The following WDR41 variants were observed in gnomAD, a reference collection of about 807,000 sequenced individuals.
The protein encoded by WDR41 is WD repeat-containing protein 41.
Under a neutral mutation model 69.3 loss-of-function variants are expected in WDR41, and 63 were observed. The observed-to-expected ratio is 0.91, with a 90% CI of 0.74 to 1.12. The LOEUF is 1.12. Ranked by LOEUF, WDR41 falls within the 50% of genes most tolerant of loss-of-function variation. The pLI is 0.00. For missense variants in WDR41, 543 were observed against 534.5 expected (o/e 1.02, Z -0.16); for synonymous variants, 185 against 192.1 (o/e 0.96, Z 0.31).
At chr5:77,437,280 T>A in intron 11 of WDR41, 56 bp downstream of exon 11, 1 of 1,445,238 alleles carries the variant, frequency 6.9e-7, no homozygotes, top group Admixed American at 1.7e-5. Context: ...TTCTCCTGCC[T>A]TTCACGTGAG....
chr5:77,557,985 G>C (rs1380281943), intron 1 of WDR41, among the ~76,000 whole-genome samples: 2 of 151,268 alleles, frequency 1.3e-5, no homozygotes, highest in Non-Finnish European at 2.9e-5. Context: ...AAAAAATGTG[G>C]CAATGCAGTG....
Position 77,565,232 on chromosome 5 carries a change from T to C in WDR41, c.42+55247A>G, listed in dbSNP as rs111580869. Reference sequence around the variant, plus strand: ...GGAACCATGATTTCAATTGATTTCATGTCTACAGTCTTTCCACTTTCAACA... The same window carrying C: ...GGAACCATGATTTCAATTGATTTCACGTCTACAGTCTTTCCACTTTCAACA... On this transcript the variant is annotated intron_variant, in intron 1 of 5. Transcript: ENST00000509971. Among the ~76,000 whole-genome samples the C allele has an allele frequency of 7.1e-3, 1,074 of 152,310 alleles. 20 individuals carry two copies. The highest frequency in any genetic ancestry group is 0.022 in the African/African-American group (931 of 41,568).
chr5:77,444,937 C>T (rs894872335), intron 8 of WDR41, among the ~76,000 whole-genome samples: 4 of 151,960 alleles, frequency 2.6e-5, no homozygotes, highest in Non-Finnish European at 5.9e-5. Flanking sequence ...TAACTAAGAT[C>T]AGAGAAGAAT....
chr5:77,613,264 T>C (rs1415361178), intron 1 of WDR41, among the ~76,000 whole-genome samples: 1 of 152,102 alleles, frequency 6.6e-6, no homozygotes, highest in East Asian at 1.9e-4. Context: ...AAGCTACCAA[T>C]GACTTTCTTC....
intron 1 of WDR41, chr5:77,491,969 T>G: frequency 1.7e-6 from 1 of 605,092 alleles, no homozygotes; most frequent in East Asian, 3.2e-5. Flanking sequence ...AGGGTGCGCC[T>G]GGGGTCCCGC....
intron 1 of WDR41, among the ~76,000 whole-genome samples, chr5:77,579,571 A>G (rs1743900142): frequency 6.6e-6 from 1 of 152,218 alleles, no homozygotes. Context: ...TCCTATATAC[A>G]GCAAAAGCTA....
At chr5:77,461,589 G>A (rs746166502) in intron 4 of WDR41, among the ~76,000 whole-genome samples, 1 of 152,188 alleles carries the variant, frequency 6.6e-6, no homozygotes, top group Admixed American at 6.5e-5. Flanking sequence ...AGTAATCCCA[G>A]CACTTTGGGA....
intron 1 of WDR41, among the ~76,000 whole-genome samples, chr5:77,581,316 G>C (rs190032586): frequency 6.6e-6 from 1 of 152,224 alleles, no homozygotes; most frequent in Non-Finnish European, 1.5e-5. Flanking sequence ...TATAATTATA[G>C]GCATATATGC....
chr5:77,536,423 AT>A (rs1160279324), intron 1 of WDR41, among the ~76,000 whole-genome samples: 1 of 152,110 alleles, frequency 6.6e-6, no homozygotes, highest in South Asian at 2.1e-4. Flanking sequence ...AGTAATGAAA[AT>A]TATCTGGGGA....
chr5:77,568,358 C>T (rs1014268079), intron 1 of WDR41, among the ~76,000 whole-genome samples: 8 of 152,090 alleles, frequency 5.3e-5, no homozygotes, highest in South Asian at 2.1e-4. Flanking sequence ...TTTCACTGTG[C>T]GGCTGTAAAG....
At chr5:77,557,168 G>A (rs35873659) in intron 1 of WDR41, among the ~76,000 whole-genome samples, 23,811 of 152,098 alleles carry the variant, frequency 0.16, 2,944 homozygotes, top group African/African-American at 0.33. Flanking sequence ...TCAAGGTAGT[G>A]AAAGATTTAC....
At chr5:77,435,057 C>T (rs1798886604) in intron 12 of WDR41, among the ~76,000 whole-genome samples, 2 of 152,266 alleles carry the variant, frequency 1.3e-5, no homozygotes, top group Non-Finnish European at 2.9e-5. Flanking sequence ...CCCAGCGCTC[C>T]GGCCTAGCCA....
chr5:77,437,554 C>T (rs919224), intron 10 of WDR41, 130 bp from the exon 11 acceptor site: 288,690 of 789,822 alleles, frequency 0.37, 53,705 homozygotes, highest in Admixed American at 0.4. Context: ...TGACAAAAAT[C>T]ACAATTTAGC....
intron 1 of WDR41, among the ~76,000 whole-genome samples, chr5:77,568,061 T>G (rs1743668069): frequency 6.6e-6 from 1 of 152,066 alleles, no homozygotes; most frequent in Non-Finnish European, 1.5e-5. Flanking sequence ...TTAGAGACCA[T>G]GTTAAAGATC....
intron 1 of WDR41, among the ~76,000 whole-genome samples, chr5:77,616,014 TA>T (rs1744675131): frequency 6.6e-6 from 1 of 151,130 alleles, no homozygotes; most frequent in African/African-American, 2.4e-5. Flanking sequence ...AATAAATAAA[TA>T]AATTAATTAA....
intron 1 of WDR41, among the ~76,000 whole-genome samples, chr5:77,569,379 A>C (rs1177008259): frequency 6.6e-6 from 1 of 152,178 alleles, no homozygotes; most frequent in Non-Finnish European, 1.5e-5. Context: ...ATTTTTTCCT[A>C]TGGAAACTCA....
intron 1 of WDR41, among the ~76,000 whole-genome samples, chr5:77,563,150 G>C (rs1322808776): frequency 6.6e-6 from 1 of 152,062 alleles, no homozygotes; most frequent in Non-Finnish European, 1.5e-5. Context: ...CAGTCTCCAG[G>C]TTGATGAAAT....
At chr5:77,556,135 C>T (rs2112249235) in intron 1 of WDR41, among the ~76,000 whole-genome samples, 1 of 111,086 alleles carries the variant, frequency 9.0e-6, no homozygotes, top group East Asian at 3.1e-4. Context: ...GATGGAGTCT[C>T]TCTCTGTTGC....
At chr5:77,573,922 C>T (rs1012974845) in intron 1 of WDR41, among the ~76,000 whole-genome samples, 2 of 152,136 alleles carry the variant, frequency 1.3e-5, no homozygotes, top group African/African-American at 4.8e-5. Flanking sequence ...AGAGAGAACC[C>T]TGGTCTCATT....
Sources: gnomAD v4.1 joint callset for allele counts (sites outside exome capture counted in the v4.1 genomes callset) on GRCh38, gnomAD v4.1.1 for gene constraint, MANE v1.5 for transcripts, NCBI Gene and HGNC (gene_info 2026-07-23, HGNC 2026-07-21) for gene names.